The following SH3D19 variants were observed in gnomAD, a reference collection of about 807,000 sequenced individuals.
SH3D19 encodes the protein SH3 domain containing 19, also known as SH3 domain-containing protein 19.
SH3D19 carries 58 observed loss-of-function variants against 112.1 expected under a neutral mutation model. That is an observed-to-expected ratio of 0.52 (90% confidence interval 0.42 to 0.64). SH3D19 has a LOEUF of 0.64. SH3D19 is among the 30% of genes least tolerant of loss of function. The probability of loss-of-function intolerance (pLI) is 0.00; values close to 1 mark genes in which losing one functional copy is unlikely to be tolerated. For synonymous variants in SH3D19, 391 were observed against 448.5 expected (o/e 0.87, Z 1.62); for missense variants, 1,090 against 1,263.4 (o/e 0.86, Z 2.08).
chr4:151,181,306 C>T (rs1010760927), intron 3 of SH3D19, among the ~76,000 whole-genome samples: 8 of 152,074 alleles, frequency 5.3e-5, no homozygotes, highest in African/African-American at 1.7e-4. Flanking sequence ...AACAAGGAGG[C>T]TGTCAAAACT....
chr4:151,317,146 G>A (rs1730068270), intron 1 of SH3D19, among the ~76,000 whole-genome samples: 1 of 152,206 alleles, frequency 6.6e-6, no homozygotes, highest in South Asian at 2.1e-4. Context: ...ACCGTCTTGA[G>A]CTTTGCCCCT....
chr4:151,271,867 T>C (rs1292453522), intron 1 of SH3D19, among the ~76,000 whole-genome samples: 1 of 152,220 alleles, frequency 6.6e-6, no homozygotes, highest in Non-Finnish European at 1.5e-5. Context: ...ATTATTCCTA[T>C]TTTGCAGCAA....
chr4:151,228,556 T>C (rs556701496), intron 1 of SH3D19, among the ~76,000 whole-genome samples: 3 of 152,240 alleles, frequency 2.0e-5, no homozygotes, highest in South Asian at 2.1e-4. Flanking sequence ...ATTTTCATGA[T>C]AGTCAAGATT....
At chr4:151,253,649 G>A (rs531912747) in intron 1 of SH3D19, among the ~76,000 whole-genome samples, 34 of 152,002 alleles carry the variant, frequency 2.2e-4, no homozygotes, top group Non-Finnish European at 3.7e-4. Flanking sequence ...GCTGACGCAG[G>A]AGAATGGTGT....
At chr4:151,132,526 T>C (rs1284571522) in intron 16 of SH3D19, 143 bp from the exon 17 acceptor site, 6 of 674,614 alleles carry the variant, frequency 8.9e-6, no homozygotes, top group Admixed American at 2.7e-5. Context: ...TTGTCTATGT[T>C]GCGTTAACCT....
rs767093683 is a variant in SH3D19 at position 151,128,342 on chromosome 4, C to T, written c.2757G>A (p.Pro919=). 1.9e-5 allele frequency: 30 copies of T among 1,612,758 alleles called. No individual in the cohort carries two copies. The highest frequency in any genetic ancestry group is 5.3e-5 in the African/African-American group (4 of 74,816). The change falls in exon 18 of 20, where the codon CCG becomes CCA. Residue 919 remains proline (P), a synonymous_variant. Coordinates refer to ENST00000604030, the MANE Select transcript of SH3D19 (RefSeq NM_001378122.1). ...TGTGAAGAGCTTCACACCATTCTGC[C>T]GGAAGACTGTTAACCTGTTATCAAA... is the stretch of plus-strand genomic sequence containing the variant. ...SGSNSQVNSL[P]AEWCEALHSF...
rs1308885452 is a variant in SH3D19, at chr4:151,185,051, T to G, written c.193+2372A>C. On this transcript the variant is annotated intron_variant, in intron 3 of 19. Transcript: ENST00000604030. ...CACAGCTGTGTCCTGTTTTTTTTTT[T>G]TTTTTTTTTTTTTTTTTAACTCTGA... Among the ~76,000 whole-genome samples the G allele has an allele frequency of 4.7e-5, 7 of 149,574 alleles. No homozygotes were observed. In the East Asian group the frequency reaches 5.9e-4, roughly 13 times the overall value.
chr4:151,304,980 A>G (rs1728796476), intron 1 of SH3D19, among the ~76,000 whole-genome samples: 1 of 152,222 alleles, frequency 6.6e-6, no homozygotes, highest in South Asian at 2.1e-4. Flanking sequence ...AAAACAAAAC[A>G]AAACAAAAAC....
chr4:151,284,871 A>G (rs886828940), intron 1 of SH3D19, among the ~76,000 whole-genome samples: 1 of 152,160 alleles, frequency 6.6e-6, no homozygotes, highest in Non-Finnish European at 1.5e-5. Flanking sequence ...CTGCACATGT[A>G]TGTAATTCAG....
At chr4:151,210,065 A>G (rs1765714810) in intron 2 of SH3D19, among the ~76,000 whole-genome samples, 1 of 152,208 alleles carries the variant, frequency 6.6e-6, no homozygotes, top group African/African-American at 2.4e-5. Flanking sequence ...AAAGGGAAGA[A>G]TCTCAAAGAA....
At chr4:151,183,056 A>G (rs1432174662) in intron 3 of SH3D19, among the ~76,000 whole-genome samples, 1 of 147,576 alleles carries the variant, frequency 6.8e-6, no homozygotes. Context: ...CAGTGGCACG[A>G]CCTTGGCTCA....
chr4:151,155,813 C>G (rs1201631350), intron 9 of SH3D19, among the ~76,000 whole-genome samples: 2 of 152,124 alleles, frequency 1.3e-5, no homozygotes, highest in Non-Finnish European at 2.9e-5. Context: ...TGCTTGAACC[C>G]AGGAGGTAGA....
intron 2 of SH3D19, among the ~76,000 whole-genome samples, chr4:151,224,915 C>G (rs1394407698): frequency 6.6e-6 from 1 of 151,994 alleles, no homozygotes; most frequent in East Asian, 1.9e-4. Flanking sequence ...GTGGTAGATA[C>G]ATAATTGTAC....
At chr4:151,291,227 A>G (rs1178941073) in intron 1 of SH3D19, 6 of 1,613,918 alleles carry the variant, frequency 3.7e-6, no homozygotes, top group Admixed American at 1.7e-5. Flanking sequence ...GTCTACACCA[A>G]TGTAATCTAC....
chr4:151,260,149 C>T (rs1269053098), intron 1 of SH3D19, among the ~76,000 whole-genome samples: 1 of 152,204 alleles, frequency 6.6e-6, no homozygotes, highest in Non-Finnish European at 1.5e-5. Context: ...GACTGCATAG[C>T]AGTGATGTCA....
intron 1 of SH3D19, among the ~76,000 whole-genome samples, chr4:151,319,225 T>C (rs1297558167): frequency 6.6e-6 from 1 of 152,202 alleles, no homozygotes; most frequent in Non-Finnish European, 1.5e-5. Context: ...ATTTTTTGTA[T>C]TTTTGGTAGA....
At chr4:151,295,438 T>C (rs996588269) in intron 1 of SH3D19, among the ~76,000 whole-genome samples, 10 of 152,198 alleles carry the variant, frequency 6.6e-5, no homozygotes, top group Non-Finnish European at 1.3e-4. Flanking sequence ...CGTCCCCTAT[T>C]CTTTATCTGC....
At chr4:151,274,100 G>T (rs1773417218) in intron 1 of SH3D19, among the ~76,000 whole-genome samples, 1 of 152,050 alleles carries the variant, frequency 6.6e-6, no homozygotes, top group South Asian at 2.1e-4. Flanking sequence ...AATGTATTCA[G>T]AAACTATCAC....
At chr4:151,202,284 G>C (rs937716798) in intron 2 of SH3D19, among the ~76,000 whole-genome samples, 2 of 152,188 alleles carry the variant, frequency 1.3e-5, no homozygotes, top group Non-Finnish European at 2.9e-5. Context: ...GCTGTGAGCC[G>C]AGATCGCGCC....
Sources: allele counts gnomAD v4.1 joint callset (sites outside exome capture counted in the v4.1 genomes callset), GRCh38; gene constraint gnomAD v4.1.1; transcripts MANE v1.5; gene names NCBI Gene and HGNC (gene_info 2026-07-23, HGNC 2026-07-21).